ST3GAL3: variants seen among roughly 807,000 people sequenced by gnomAD.
ST3GAL3 encodes ST3 beta-galactoside alpha-2,3-sialyltransferase 3.
ST3GAL3 carries 21 observed loss-of-function variants against 50.1 expected under a neutral mutation model. That is an observed-to-expected ratio of 0.42 (90% CI 0.30 to 0.60). ST3GAL3 has a LOEUF of 0.60. ST3GAL3 is among the 20% of genes least tolerant of loss of function. The pLI is 0.19. For missense variants in ST3GAL3, 353 were observed against 489.4 expected, an observed-to-expected ratio of 0.72 and a Z score of 2.63; for synonymous variants, 183 against 190.0, an observed-to-expected ratio of 0.96 and a Z score of 0.30.
At chr1:43,926,310 C>T (rs535716642) in intron 11 of ST3GAL3, among the ~76,000 whole-genome samples, 64 of 152,254 alleles carry the variant, frequency 4.2e-4, no homozygotes, top group Non-Finnish European at 7.4e-4. Context: ...AGCTTCTGGC[C>T]GGGCGCGGTC....
At chr1:43,876,820 G>T (rs2074204037) in intron 5 of ST3GAL3, among the ~76,000 whole-genome samples, 1 of 152,182 alleles carries the variant, frequency 6.6e-6, no homozygotes, top group Non-Finnish European at 1.5e-5. Flanking sequence ...CAGTGGGCAG[G>T]GCCCATTGTT....
At chr1:43,756,916 A>ATTTTTTTTTTTTTTTTTTTT (rs1295503681) in intron 2 of ST3GAL3, among the ~76,000 whole-genome samples, 3 of 151,958 alleles carry the variant, frequency 2.0e-5, no homozygotes, top group South Asian at 2.1e-4. Flanking sequence ...GTTTTATTTT[A>ATTTTTTTTTTTTTTTTTTTT]TTTTTTGAGG....
chr1:43,800,897 GA>G (rs1328134685), intron 3 of ST3GAL3, among the ~76,000 whole-genome samples: 1 of 152,096 alleles, frequency 6.6e-6, no homozygotes, highest in Non-Finnish European at 1.5e-5. Flanking sequence ...TTTTTTTAGA[GA>G]TTGTACAGTG....
At chr1:43,860,399 G>A (rs2069603739) in intron 5 of ST3GAL3, among the ~76,000 whole-genome samples, 1 of 152,210 alleles carries the variant, frequency 6.6e-6, no homozygotes, top group African/African-American at 2.4e-5. Context: ...CAGTGGGCCT[G>A]CTCCAGGAAA....
At chr1:43,917,457 AATATATATAATATATAAT>A (rs1233055998) in intron 9 of ST3GAL3, among the ~76,000 whole-genome samples, 5 of 23,462 alleles carry the variant, frequency 2.1e-4, no homozygotes, top group Non-Finnish European at 9.1e-4. Context: ...TATAATATAT[AATATATATAATATATAAT>A]ATATATAATA....
At chr1:43,785,738 C>G (rs2057237588) in intron 2 of ST3GAL3, among the ~76,000 whole-genome samples, 1 of 152,120 alleles carries the variant, frequency 6.6e-6, no homozygotes, top group Non-Finnish European at 1.5e-5. Flanking sequence ...CCTACCAATC[C>G]CCCAACTGTC....
At chr1:43,722,018 T>A (rs1418287074) in intron 1 of ST3GAL3, among the ~76,000 whole-genome samples, 1 of 152,214 alleles carries the variant, frequency 6.6e-6, no homozygotes, top group African/African-American at 2.4e-5. Flanking sequence ...GTTCCCTGCC[T>A]GGATCAGCCA....
chr1:43,873,064 C>T (rs1201940730), intron 5 of ST3GAL3, among the ~76,000 whole-genome samples: 1 of 152,132 alleles, frequency 6.6e-6, no homozygotes, highest in Non-Finnish European at 1.5e-5. Context: ...TGTTGGAGGT[C>T]ACTCTAGGAA....
At chr1:43,778,704 G>C (rs1319564059) in intron 2 of ST3GAL3, among the ~76,000 whole-genome samples, 1 of 137,088 alleles carries the variant, frequency 7.3e-6, no homozygotes, top group African/African-American at 2.7e-5. Flanking sequence ...GGAGTGCAGT[G>C]GCACGATCTC....
chr1:43,767,224 T>G (rs370845148), intron 2 of ST3GAL3, among the ~76,000 whole-genome samples: 1 of 151,662 alleles, frequency 6.6e-6, no homozygotes, highest in Non-Finnish European at 1.5e-5. Flanking sequence ...CTGAGCTGAG[T>G]AGGGAGGGCT....
chr1:43,763,653 G>A (rs1053442189), intron 2 of ST3GAL3, among the ~76,000 whole-genome samples: 3 of 152,176 alleles, frequency 2.0e-5, no homozygotes, highest in Non-Finnish European at 4.4e-5. Flanking sequence ...ATTGCCACAG[G>A]ACAGATTAGC....
chr1:43,801,541 T>G (rs1324538773), intron 3 of ST3GAL3: 1 of 359,544 alleles, frequency 2.8e-6, no homozygotes, highest in African/African-American at 2.1e-5. Context: ...CACGTCAGAA[T>G]GTAGGTAGGA....
intron 11 of ST3GAL3, among the ~76,000 whole-genome samples, chr1:43,929,109 TC>T (rs1344708209): frequency 1.3e-5 from 2 of 152,060 alleles, no homozygotes; most frequent in East Asian, 3.8e-4. Flanking sequence ...GGTACAGTCT[TC>T]CCCAGAAGCC....
At chr1:43,840,914 G>A (rs1431443960) in intron 5 of ST3GAL3, 1 of 152,240 alleles carries the variant, frequency 6.6e-6, no homozygotes, top group Non-Finnish European at 1.5e-5. Context: ...TATAGGCATT[G>A]GGTAAACATC....
At chr1:43,760,037 C>T (rs1313981647) in intron 2 of ST3GAL3, among the ~76,000 whole-genome samples, 2 of 152,078 alleles carry the variant, frequency 1.3e-5, no homozygotes, top group African/African-American at 4.8e-5. Context: ...CAAGGAAAAG[C>T]CCTCATGGTA....
chr1:43,768,769 C>T (rs970170753), intron 2 of ST3GAL3, among the ~76,000 whole-genome samples: 1 of 152,172 alleles, frequency 6.6e-6, no homozygotes, highest in African/African-American at 2.4e-5. Context: ...AAATCTTTCT[C>T]CCCAGAGAAC....
At chr1:43,801,337 T>C (rs1379958823) in intron 3 of ST3GAL3, 2 of 456,202 alleles carry the variant, frequency 4.4e-6, no homozygotes, top group South Asian at 3.1e-5. Flanking sequence ...AAAAAGGAAG[T>C]GGGTCACTCA....
intron 11 of ST3GAL3, among the ~76,000 whole-genome samples, chr1:43,925,097 C>G (rs1192053150): frequency 6.6e-6 from 1 of 152,048 alleles, no homozygotes; most frequent in African/African-American, 2.4e-5. Context: ...CGAGACCAGC[C>G]TGGCTAACAT....
chr1:43,860,033 C>A (rs2069519217), intron 5 of ST3GAL3, among the ~76,000 whole-genome samples: 1 of 152,168 alleles, frequency 6.6e-6, no homozygotes. Context: ...GTGGCTGTTG[C>A]ACACACAGGG....
Sources: gnomAD v4.1 joint callset for allele counts (sites outside exome capture counted in the v4.1 genomes callset) on GRCh38, gnomAD v4.1.1 for gene constraint, MANE v1.5 for transcripts, NCBI Gene and HGNC (gene_info 2026-07-23, HGNC 2026-07-21) for gene names.